GALNT9: variants seen among roughly 807,000 people sequenced by gnomAD.
GALNT9 encodes the protein polypeptide N-acetylgalactosaminyltransferase 9.
GALNT9 carries 47 observed loss-of-function variants against 63.1 expected under a neutral mutation model. The ratio of observed to expected loss-of-function variants is 0.75; its 90% confidence interval spans 0.59 to 0.95. GALNT9 has a LOEUF of 0.95. Ranked by LOEUF, GALNT9 falls within the 40% of genes least tolerant of loss-of-function variation. GALNT9 has a pLI of 0.00. For synonymous variants in GALNT9, 396 were observed against 365.7 expected (o/e 1.08, Z -0.94); for missense variants, 829 against 874.8 (o/e 0.95, Z 0.66).
At chr12:132,300,400 A>G (rs1447006521) in intron 1 of GALNT9, among the ~76,000 whole-genome samples, 40 of 135,132 alleles carry the variant, frequency 3.0e-4, no homozygotes, top group Non-Finnish European at 5.8e-4. Context: ...ACTCACTCCC[A>G]TAACTCACCC....
intron 1 of GALNT9, among the ~76,000 whole-genome samples, chr12:132,293,707 G>A (rs556336583): frequency 1.6e-4 from 24 of 152,310 alleles, no homozygotes; most frequent in African/African-American, 5.3e-4. Context: ...GAGCCAGAAC[G>A]AGAAGCTGGG....
chr12:132,293,653 A>G (rs1243436236), intron 1 of GALNT9, among the ~76,000 whole-genome samples: 1 of 152,262 alleles, frequency 6.6e-6, no homozygotes, highest in Non-Finnish European at 1.5e-5. Context: ...CCCTGTGTAC[A>G]GTCGGAGCTG....
chr12:132,283,719 ACATGGGTGCCGGAGAATCAAGTC>A (rs1199019708), intron 2 of GALNT9: 7 of 151,538 alleles, frequency 4.6e-5, no homozygotes, highest in African/African-American at 1.7e-4. Flanking sequence ...GTGTTGTCAC[ACATGGGTGCCGGAGAATCAAGTC>A]CATGGGACCC....
At chr12:132,306,543 G>A (rs1881622077) in intron 1 of GALNT9, among the ~76,000 whole-genome samples, 1 of 152,196 alleles carries the variant, frequency 6.6e-6, no homozygotes, top group South Asian at 2.1e-4. Context: ...CGGACATAGT[G>A]GCTTGGAGGA....
Position 132,259,388 on chromosome 12 carries a change from G to T in GALNT9, c.762-1502C>A, listed in dbSNP as rs578010017. On this transcript the variant is annotated intron_variant, in intron 4 of 10. Transcript: ENST00000328957. ...TGCACAACGTGTGCGACTGCATGGG[G>T]TGACATTGTGGGGGGCAGACAGTGG... is the stretch of plus-strand genomic sequence containing the variant. Among the ~76,000 whole-genome samples the T allele has an allele frequency of 5.3e-5, 8 of 152,362 alleles. No homozygotes were observed. The South Asian group carries it at 1.7e-3, about 32-fold the overall frequency.
At chr12:132,262,426 G>C (rs782572030) in intron 3 of GALNT9, 33 bp downstream of exon 3, 4 of 1,533,768 alleles carry the variant, frequency 2.6e-6, no homozygotes, top group Non-Finnish European at 3.5e-6. Context: ...GCAGCCGCCC[G>C]GCGAGCACCG....
chr12:132,300,381 C>A (rs1355736714), intron 1 of GALNT9, among the ~76,000 whole-genome samples: 1 of 127,070 alleles, frequency 7.9e-6, no homozygotes. Flanking sequence ...CCAAGCCACT[C>A]CTGAGATAAC....
At chr12:132,218,199 G>A (rs866957068) in intron 6 of GALNT9, among the ~76,000 whole-genome samples, 10 of 152,292 alleles carry the variant, frequency 6.6e-5, no homozygotes, top group Middle Eastern at 6.8e-3. Flanking sequence ...CTCTGTCTGG[G>A]CGCTGTGCAA....
In GALNT9 at chr12:132,291,130, T is replaced by A. The variant is rs1393787401; in HGVS notation, c.239-4700A>T. 8.2e-4 allele frequency among the ~76,000 whole-genome samples: 29 copies of A among 35,208 alleles called. 1 individual carries two copies. The highest frequency in any genetic ancestry group is 9.4e-4 in the Non-Finnish European group (19 of 20,196). The allele number at this position is 35,208 out of a possible 152,430, so 23.1% of individuals were successfully genotyped here. A position where few individuals can be genotyped will look rare whatever the true frequency, so the allele number is the denominator to read the frequency against. On this transcript the variant is annotated intron_variant, in intron 1 of 10. Coordinates refer to ENST00000328957, the MANE Select transcript of GALNT9 (RefSeq NM_001122636.2). ...AGCACCCACATCCACAGCACCCACA[T>A]CCACAGCACCCACAACCACAGCACC...
At position 132,310,848 on chromosome 12, in the gene GALNT9, C is replaced by G. The variant is rs1313193318; in HGVS notation, c.238+18118G>C. 1.3e-5 allele frequency among the ~76,000 whole-genome samples: 2 copies of G among 152,208 alleles called. No homozygotes were observed. The highest frequency in any genetic ancestry group is 4.8e-5 in the African/African-American group (2 of 41,454). ...TGGCCTGAGGGAGGTGATCCCCAAA[C>G]AGCCCAAACCCGGCTGTCCTGTTTT... On this transcript the variant is annotated intron_variant, in intron 1 of 10. Transcript: ENST00000328957. The surrounding 1 kb of genome is among the most constrained non-coding windows in gnomAD (Gnocchi z 4.8).
chr12:132,235,253 G>T (rs1379889396), intron 6 of GALNT9, among the ~76,000 whole-genome samples: 1 of 152,212 alleles, frequency 6.6e-6, no homozygotes, highest in Non-Finnish European at 1.5e-5. Flanking sequence ...AGTGTGTGGG[G>T]CAGAGGACAG....
At chr12:132,312,873 G>A (rs1566022193) in intron 1 of GALNT9, among the ~76,000 whole-genome samples, 2 of 152,134 alleles carry the variant, frequency 1.3e-5, no homozygotes, top group East Asian at 3.9e-4. Flanking sequence ...AGATGAGGTT[G>A]TCAGCCCAAA....
Position 132,246,943 on chromosome 12 carries a change from C to T in GALNT9, c.1077+967G>A, listed in dbSNP as rs74938287. On this transcript the variant is annotated intron_variant, in intron 6 of 10. Coordinates refer to ENST00000328957, the MANE Select transcript of GALNT9 (RefSeq NM_001122636.2). This position sits in a 1 kb window ranked among gnomAD's most constrained non-coding sequence, Gnocchi z 4.7. Reference sequence around the variant, plus strand: ...CGATAGTACGATCTTTAAAGTGAACCGCAAGCTTACAGCACAGGTTTTGAA... The same window carrying T: ...CGATAGTACGATCTTTAAAGTGAACTGCAAGCTTACAGCACAGGTTTTGAA... Among the ~76,000 whole-genome samples the T allele has an allele frequency of 4.6e-5, 7 of 152,292 alleles. No homozygotes were observed. Among genetic ancestry groups the T allele is most frequent in the South Asian group, 4.2e-4 (2 of 4,818 alleles).
In GALNT9 at chr12:132,225,956, T is replaced by G. The variant is rs1471119007; in HGVS notation, c.1077+21954A>C. ...ACACACACACCCCATACACCCCATA[T>G]GCACACCCCACACACTGTACACACC... On this transcript the variant is annotated intron_variant, in intron 6 of 10. Transcript: ENST00000328957. 9.1e-5 allele frequency among the ~76,000 whole-genome samples: 10 copies of G among 110,048 alleles called. No individual in the cohort carries two copies. In the South Asian group the frequency reaches 2.9e-3, roughly 32 times the overall value. 72.2% of individuals were successfully genotyped at this position (110,048 alleles called of 152,430 possible).
intron 1 of GALNT9, among the ~76,000 whole-genome samples, chr12:132,298,170 T>A (rs868961095): frequency 1.3e-5 from 2 of 151,386 alleles, no homozygotes; most frequent in African/African-American, 4.9e-5. Context: ...AACCAACCCA[T>A]TATTCTGATA....
At chr12:132,328,771 CG>C (rs1236889155) in intron 1 of GALNT9, among the ~76,000 whole-genome samples, 194 bp downstream of exon 1, 1 of 152,218 alleles carries the variant, frequency 6.6e-6, no homozygotes, top group African/African-American at 2.4e-5. Flanking sequence ...GGTGGGTGCC[CG>C]GTGCGGGGGG....
chr12:132,290,009 C>T (rs931366706), intron 1 of GALNT9, among the ~76,000 whole-genome samples: 8 of 152,206 alleles, frequency 5.3e-5, no homozygotes, highest in African/African-American at 1.9e-4. Flanking sequence ...GGAGTCAGTG[C>T]TGTCACCGTC....
In GALNT9 at chr12:132,197,792, C is replaced by T. The variant is rs1370812054; in HGVS notation, c.1665G>A (p.Gln555=). 2 of 1,566,228 alleles carry T rather than the reference C, an allele frequency of 1.3e-6. No individual in the cohort carries two copies. Among genetic ancestry groups the T allele is most frequent in the East Asian group, 2.3e-5 (1 of 42,918 alleles). The part of the protein sequence containing the change: ...RPTQRLWDFT[Q]SGPIVSRATG... ...CGGCCCCCCTTCCCCAGAGGCTGACCTGGGTGAAGTCCCACAGCCGCTGTG... is the reference window on the plus strand; with the variant it reads ...CGGCCCCCCTTCCCCAGAGGCTGACTTGGGTGAAGTCCCACAGCCGCTGTG... The change falls in exon 10 of 11, where the codon CAG becomes CAA. Residue 555 remains glutamine (Q), a splice_region_variant and synonymous_variant. Transcript: ENST00000328957.
intron 1 of GALNT9, among the ~76,000 whole-genome samples, chr12:132,325,166 G>A (rs1020917039): frequency 3.3e-5 from 5 of 152,268 alleles, no homozygotes; most frequent in Non-Finnish European, 7.3e-5. Flanking sequence ...GCCTGCTGGA[G>A]TCTCCAGGCT....
Sources: allele counts gnomAD v4.1 joint callset (sites outside exome capture counted in the v4.1 genomes callset), GRCh38; gene constraint gnomAD v4.1.1; non-coding constraint Gnocchi (gnomAD v3.1); transcripts MANE v1.5; gene names NCBI Gene and HGNC (gene_info 2026-07-23, HGNC 2026-07-21).